The following ESPNL variants were observed in gnomAD, a reference collection of about 807,000 sequenced individuals.
ESPNL encodes the protein espin-like protein.
Under a neutral mutation model 46.8 loss-of-function variants are expected in ESPNL, and 49 were observed. The observed-to-expected ratio is 1.05, with a 90% confidence interval of 0.83 to 1.33. ESPNL has a LOEUF of 1.33. Among genes scored for constraint, ESPNL ranks in the 40% most tolerant of loss-of-function variants. ESPNL has a pLI of 0.00. For synonymous variants in ESPNL, 664 were observed against 662.1 expected (o/e 1.00, Z -0.04); for missense variants, 1,540 against 1,436.6 (o/e 1.07, Z -1.16).
intron 3 of ESPNL, among the ~76,000 whole-genome samples, chr2:238,105,657 G>A (rs1244592949): frequency 2.0e-5 from 3 of 152,050 alleles, no homozygotes; most frequent in African/African-American, 4.8e-5. Context: ...TTCAGAGGCG[G>A]GGAGAGCCTG....
At chr2:238,110,996 A>G (rs1574731680) in intron 4 of ESPNL, among the ~76,000 whole-genome samples, 1 of 119,740 alleles carries the variant, frequency 8.4e-6, no homozygotes, top group South Asian at 2.7e-4. Flanking sequence ...TCTGTCGCCC[A>G]GGCTGGAGTG....
In ESPNL at chr2:238,130,109, CTGCCCTTCCTG is replaced by C. The variant is rs749302433; in HGVS notation, c.1414-13_1414-3del. 1.8e-5 allele frequency: 29 copies of C among 1,597,460 alleles called. No individual in the cohort carries two copies. Among genetic ancestry groups the C allele is most frequent in the Non-Finnish European group, 2.4e-5 (28 of 1,169,646 alleles). ...GGTGGGTGGGCTCACCCTGCTCACC[CTGCCCTTCCTG>C]TGCCCAGGACAATGGTGGGAGCTCA... On this transcript the variant is annotated splice_polypyrimidine_tract_variant and splice_region_variant and intron_variant, in intron 8 of 8. Transcript: ENST00000343063.
chr2:238,129,141 G>A (rs942967336), intron 8 of ESPNL: 9 of 1,399,286 alleles, frequency 6.4e-6, no homozygotes, highest in East Asian at 2.6e-5. Flanking sequence ...TCCACTTGGC[G>A]GATTTGTGGC....
chr2:238,130,083 G>A, intron 8 of ESPNL, 45 bp from the exon 9 acceptor site: 3 of 1,569,576 alleles, frequency 1.9e-6, no homozygotes, highest in Non-Finnish European at 2.6e-6. Context: ...GGCTGATGGT[G>A]GGTGGGTGGG....
chr2:238,126,935 T>TTGTC (rs1692143725), intron 6 of ESPNL, among the ~76,000 whole-genome samples: 2 of 46,052 alleles, frequency 4.3e-5, no homozygotes, highest in Non-Finnish European at 4.9e-5. Context: ...GTGTCTGTGA[T>TTGTC]TGTGTGTGTC....
At chr2:238,109,930 G>A (rs1181178287) in intron 4 of ESPNL, among the ~76,000 whole-genome samples, 4 of 149,192 alleles carry the variant, frequency 2.7e-5, no homozygotes, top group Admixed American at 2.7e-4. Flanking sequence ...ACGTTACCGA[G>A]GGTCCCTTTT....
intron 4 of ESPNL, among the ~76,000 whole-genome samples, chr2:238,115,948 G>T (rs1432073676): frequency 6.6e-6 from 1 of 152,158 alleles, no homozygotes; most frequent in East Asian, 1.9e-4. Flanking sequence ...CTGGGATTAC[G>T]GGCATGAGCC....
At chr2:238,122,803 G>A (rs1156851853) in intron 5 of ESPNL, among the ~76,000 whole-genome samples, 1 of 152,200 alleles carries the variant, frequency 6.6e-6, no homozygotes, top group Non-Finnish European at 1.5e-5. Flanking sequence ...GGGGCATTGG[G>A]GTGGCCTTGC....
At position 238,131,177 on chromosome 2, in the gene ESPNL, G is replaced by A. The variant is rs1254051628; in HGVS notation, c.2463G>A (p.Arg821=). The A allele has an allele frequency of 6.5e-7, 1 of 1,544,640 alleles. No individual in the cohort carries two copies. Among genetic ancestry groups the A allele is most frequent in the Admixed American group, 2.0e-5 (1 of 51,086 alleles). ...WKAIMAHVPA[R]QLRRLSRQPR... is the part of the protein sequence containing the mutation. ...CCATCATGGCTCACGTGCCCGCCCG[G>A]CAGCTGCGGCGGCTGAGCCGGCAGC... The change falls in exon 9 of 9, where the codon CGG becomes CGA. Residue 821 remains arginine (R), a synonymous_variant. Coordinates refer to ENST00000343063, the MANE Select transcript of ESPNL (RefSeq NM_194312.4).
rs564983717 is a variant in ESPNL, at chr2:238,122,479, C to T, written c.988-2791C>T. The stretch of plus-strand genomic sequence containing the variant: ...TCAGGGGGTGGCGTCCCGGGCTTCT[C>T]GTTGGTGAGGAGTGGAGCAGGGCTG... On this transcript the variant is annotated intron_variant, in intron 5 of 8. Coordinates refer to ENST00000343063, the MANE Select transcript of ESPNL (RefSeq NM_194312.4). Among the ~76,000 whole-genome samples, 33 of 152,316 alleles carry T rather than the reference C, an allele frequency of 2.2e-4. No homozygotes were observed. In the East Asian group the frequency reaches 6.0e-3, roughly 28 times the overall value.
Position 238,104,743 on chromosome 2 carries a change from G to A in ESPNL, c.573G>A (p.Val191=), listed in dbSNP as rs769793223. ...ACCTGCACCTGGCCCAGTTCCTGGTGAAGGACTGTGGCGCTGACGTGCACC... is the reference window on the plus strand; with the variant it reads ...ACCTGCACCTGGCCCAGTTCCTGGTAAAGGACTGTGGCGCTGACGTGCACC... ...EGHLHLAQFL[V]KDCGADVHLR... Residue 191 remains valine, a synonymous_variant, in exon 3 of 9, where the codon GTG becomes GTA. Transcript: ENST00000343063. The A allele has an allele frequency of 8.1e-6, 13 of 1,608,212 alleles. No homozygotes were observed. The Admixed American group carries it at 2.2e-4, about 27-fold the overall frequency.
intron 4 of ESPNL, among the ~76,000 whole-genome samples, chr2:238,110,099 G>A (rs1691684631): frequency 6.7e-6 from 1 of 150,148 alleles, no homozygotes; most frequent in South Asian, 2.1e-4. Context: ...TTCTGTCCCA[G>A]GATCCCATTT....
chr2:238,102,412 G>A (rs961845557), intron 2 of ESPNL, among the ~76,000 whole-genome samples: 5 of 152,174 alleles, frequency 3.3e-5, no homozygotes, highest in African/African-American at 1.2e-4. Context: ...AGATGCTGCT[G>A]TGATGCCCAG....
At chr2:238,108,221 C>T (rs1323755443) in intron 4 of ESPNL, among the ~76,000 whole-genome samples, 2 of 152,222 alleles carry the variant, frequency 1.3e-5, no homozygotes, top group African/African-American at 4.8e-5. Context: ...CTCCCTCGTG[C>T]CTGGTCAGGG....
chr2:238,100,495 G>A lies in ESPNL; in HGVS notation c.76G>A (p.Ala26Thr), dbSNP rs755344756. ...GTTGGAGCGGCTGCTGGAGGCTGGC[G>A]CCCTGGGCCCGGGCATCACCGATGC... ...ATLERLLEAG[A>T]LGPGITDALG... is the part of the protein sequence containing the mutation. Residue 26 changes from alanine (A) to threonine (T), a missense_variant, in exon 1 of 9, where the codon GCC becomes ACC. By Grantham distance (58) the Ala-to-Thr change is moderately conservative (BLOSUM62 0). Coordinates refer to ENST00000343063, the MANE Select transcript of ESPNL (RefSeq NM_194312.4). 32 of 1,598,652 alleles carry A rather than the reference G, an allele frequency of 2.0e-5. No individual in the cohort carries two copies. Among genetic ancestry groups the A allele is most frequent in the East Asian group, 4.5e-5 (2 of 44,264 alleles).
At chr2:238,126,921 C>CTGTGTGTCTGTGATTG (rs1553574031) in intron 6 of ESPNL, among the ~76,000 whole-genome samples, 33 of 146,756 alleles carry the variant, frequency 2.2e-4, no homozygotes, top group South Asian at 8.7e-4. Context: ...ATGATCGTGT[C>CTGTGTGTCTGTGATTG]TGTGTGTCTG....
intron 4 of ESPNL, among the ~76,000 whole-genome samples, chr2:238,113,990 T>C (rs2106468902): frequency 6.6e-6 from 1 of 152,306 alleles, no homozygotes; most frequent in Admixed American, 6.5e-5. Flanking sequence ...CTGCGTTACC[T>C]TACTGAGGCT....
In ESPNL at chr2:238,131,423, C is replaced by G. The variant is rs545906838; in HGVS notation, c.2709C>G (p.Ala903=). ...AGGCTGTGCGCGCCTTCCACAAGGCCGTGACCGACGAGGTGGCCGCCGGCC... is the reference window on the plus strand; with the variant it reads ...AGGCTGTGCGCGCCTTCCACAAGGCGGTGACCGACGAGGTGGCCGCCGGCC... ...GWEAVRAFHK[A]VTDEVAAGRR... The change falls in exon 9 of 9, where the codon GCC becomes GCG. Residue 903 remains alanine (A), a synonymous_variant. Coordinates refer to ENST00000343063, the MANE Select transcript of ESPNL (RefSeq NM_194312.4). 32 of 1,608,594 alleles carry G rather than the reference C, an allele frequency of 2.0e-5. No individual in the cohort carries two copies. The highest frequency in any genetic ancestry group is 2.6e-5 in the Non-Finnish European group (31 of 1,178,020).
rs578171778 is a variant in ESPNL at position 238,126,158 on chromosome 2, ATC to A, written c.1102+776_1102+777del. 4.7e-4 allele frequency among the ~76,000 whole-genome samples: 66 copies of A among 139,672 alleles called. No individual in the cohort carries two copies. The East Asian group carries it at 7.3e-3, about 15-fold the overall frequency. 91.6% of individuals were successfully genotyped at this position (139,672 alleles called of 152,430 possible). A position where few individuals can be genotyped will look rare whatever the true frequency, so the allele number is the denominator to read the frequency against. ...TGTCTGTGTGATTGTGTCTGTGTGC[ATC>A]TGTGTGTGATTGTGTTCGAGTGTGT... On this transcript the variant is annotated intron_variant, in intron 6 of 8. Coordinates refer to ENST00000343063, the MANE Select transcript of ESPNL (RefSeq NM_194312.4).
Sources: allele counts gnomAD v4.1 joint callset (sites outside exome capture counted in the v4.1 genomes callset), GRCh38; gene constraint gnomAD v4.1.1; transcripts MANE v1.5; gene names NCBI Gene and HGNC (gene_info 2026-07-23, HGNC 2026-07-21).